The following KIT variants were observed in gnomAD, a reference collection of about 807,000 sequenced individuals.
The protein encoded by KIT is mast/stem cell growth factor receptor Kit.
Under a neutral mutation model 105.7 loss-of-function variants are expected in KIT, and 16 were observed. The ratio of observed to expected loss-of-function variants is 0.15; its 90% confidence interval spans 0.10 to 0.23. KIT has a LOEUF of 0.23. KIT is among the 10% of genes least tolerant of loss of function. The probability of loss-of-function intolerance (pLI) is 1.00; values close to 1 mark genes in which losing one functional copy is unlikely to be tolerated. For missense variants in KIT, 858 were observed against 1,213.8 expected (o/e 0.71, Z 4.36); for synonymous variants, 438 against 441.1 (o/e 0.99, Z 0.09).
intron 16 of KIT, among the ~76,000 whole-genome samples, 167 bp downstream of exon 16, chr4:54,732,165 C>T (rs1254573172): frequency 6.7e-6 from 1 of 148,990 alleles, no homozygotes; most frequent in African/African-American, 2.5e-5. Context: ...CTTCATGTTC[C>T]AACTGCTGTC....
intron 7 of KIT, among the ~76,000 whole-genome samples, chr4:54,718,264 C>T (rs1721627596): frequency 6.6e-6 from 1 of 152,102 alleles, no homozygotes; most frequent in Non-Finnish European, 1.5e-5. Context: ...CCATGCCTGG[C>T]TTATTTTTGT....
intron 1 of KIT, among the ~76,000 whole-genome samples, chr4:54,687,776 A>C (rs1365113398): frequency 2.0e-5 from 3 of 151,986 alleles, no homozygotes; most frequent in Non-Finnish European, 2.9e-5. Flanking sequence ...TACACGTGCA[A>C]ACACATATAC....
intron 7 of KIT, among the ~76,000 whole-genome samples, chr4:54,722,065 A>C (rs1721910252): frequency 6.6e-6 from 1 of 152,144 alleles, no homozygotes; most frequent in East Asian, 1.9e-4. Flanking sequence ...TGCTCACTGC[A>C]ACCTCTGCCT....
intron 13 of KIT, 51 bp downstream of exon 13, chr4:54,728,172 T>C (rs1330656857): frequency 1.5e-6 from 2 of 1,331,718 alleles, no homozygotes; most frequent in African/African-American, 1.4e-5. Context: ...TATCAAAACA[T>C]GACATTTTAA....
In KIT at chr4:54,695,580, T is replaced by G. The variant is rs1392637180; in HGVS notation, c.136T>G (p.Leu46Val). The stretch of plus-strand genomic sequence containing the variant: ...ATCCATCCATCCAGGAAAATCAGAC[T>G]TAATAGTCCGCGTGGGCGACGAGAT... ...PPSIHPGKSD[L>V]IVRVGDEIRL... Residue 46 changes from leucine (L) to valine (V), a missense_variant, in exon 2 of 21, where the codon TTA becomes GTA. Coordinates refer to ENST00000288135, the MANE Select transcript of KIT (RefSeq NM_000222.3). 1 of 1,614,206 alleles carries G rather than the reference T, an allele frequency of 6.2e-7. No homozygotes were observed.
intron 6 of KIT, 76 bp from the exon 7 acceptor site, chr4:54,709,348 A>G: frequency 1.1e-6 from 1 of 916,162 alleles, no homozygotes; most frequent in Non-Finnish European, 1.8e-6. Context: ...ATAGATTTCC[A>G]GGTAGAAACT....
At chr4:54,665,939 A>G (rs1322857680) in intron 1 of KIT, among the ~76,000 whole-genome samples, 1 of 152,178 alleles carries the variant, frequency 6.6e-6, no homozygotes, top group Non-Finnish European at 1.5e-5. Flanking sequence ...GGTGAAAAGT[A>G]AGTTTTCATG....
chr4:54,727,300 G>A lies in KIT; in HGVS notation c.1623G>A (p.Met541Ile), dbSNP rs2109774448. Residue 541 changes from methionine (M) to isoleucine (I), a missense_variant, in exon 10 of 21, where the codon ATG becomes ATA. Around this residue, in one of 7 missense-constraint regions of KIT, gnomAD observed 78 missense variants for 77.6 expected, o/e 1.01. Transcript: ENST00000288135. ...IVAGMMCIIV[M>I]ILTYKYLQKP... is the part of the protein sequence containing the mutation. Reference sequence around the variant, plus strand: ...CTGGCATGATGTGCATTATTGTGATGATTCTGACCTACAAATATTTACAGG... The same window carrying A: ...CTGGCATGATGTGCATTATTGTGATAATTCTGACCTACAAATATTTACAGG... 1.9e-6 allele frequency: 3 copies of A among 1,614,068 alleles called. No individual in the cohort carries two copies. The highest frequency in any genetic ancestry group is 2.5e-6 in the Non-Finnish European group (3 of 1,179,914).
intron 13 of KIT, 181 bp from the exon 14 acceptor site, chr4:54,729,154 C>T (rs1441061527): frequency 9.6e-6 from 6 of 621,960 alleles, no homozygotes; most frequent in East Asian, 2.8e-5. Flanking sequence ...TTTTATGTTA[C>T]TCCACATAAG....
In KIT at chr4:54,705,145, G is replaced by C. The variant is rs3796773; in HGVS notation, c.925+1253G>C. ...GATTAGGGAGCATGTTGATATATCA[G>C]CTTCAGCTCCAGAAAGCAATTAGTA... is the stretch of plus-strand genomic sequence containing the variant. On this transcript the variant is annotated intron_variant, in intron 5 of 20. Coordinates refer to ENST00000288135, the MANE Select transcript of KIT (RefSeq NM_000222.3). Among the ~76,000 whole-genome samples the C allele has an allele frequency of 4.6e-5, 7 of 152,334 alleles. No homozygotes were observed. The East Asian group carries it at 1.3e-3, about 29-fold the overall frequency.
intron 1 of KIT, among the ~76,000 whole-genome samples, chr4:54,689,484 C>T (rs574140265): frequency 2.0e-5 from 3 of 152,220 alleles, no homozygotes; most frequent in Admixed American, 6.5e-5. Flanking sequence ...AAGACCTTTT[C>T]CTGCCAATGC....
At chr4:54,724,488 A>AG (rs1192908930) in intron 8 of KIT, among the ~76,000 whole-genome samples, 1 of 152,146 alleles carries the variant, frequency 6.6e-6, no homozygotes, top group Non-Finnish European at 1.5e-5. Flanking sequence ...GGGAATACTA[A>AG]GTAGGGTTCA....
At chr4:54,724,257 A>G (rs923848987) in intron 8 of KIT, among the ~76,000 whole-genome samples, 2 of 152,206 alleles carry the variant, frequency 1.3e-5, no homozygotes, top group African/African-American at 2.4e-5. Flanking sequence ...GCCCTTTTGC[A>G]TTACCTGAAG....
intron 1 of KIT, among the ~76,000 whole-genome samples, chr4:54,661,470 C>A: frequency 6.6e-6 from 1 of 152,152 alleles, no homozygotes; most frequent in East Asian, 1.9e-4. Context: ...AGGAAATGAA[C>A]CTCGGTGTCT....
intron 1 of KIT, among the ~76,000 whole-genome samples, chr4:54,694,242 TCTCCTCCTC>T (rs1187368765): frequency 6.6e-6 from 1 of 151,822 alleles, no homozygotes; most frequent in African/African-American, 2.4e-5. Context: ...GCTGTCATCT[TCTCCTCCTC>T]CTCCTCCTTT....
At chr4:54,721,607 G>A (rs1481209825) in intron 7 of KIT, among the ~76,000 whole-genome samples, 1 of 151,136 alleles carries the variant, frequency 6.6e-6, no homozygotes, top group Non-Finnish European at 1.5e-5. Context: ...TGAGTGACAG[G>A]TGGGTGTGTC....
At chr4:54,667,648 G>A (rs1046290904) in intron 1 of KIT, among the ~76,000 whole-genome samples, 3 of 152,220 alleles carry the variant, frequency 2.0e-5, no homozygotes, top group African/African-American at 7.2e-5. Context: ...CGTCTGTAGA[G>A]AGTAGCGGAA....
chr4:54,704,383 C>T (rs1392896592), intron 5 of KIT, among the ~76,000 whole-genome samples: 2 of 151,998 alleles, frequency 1.3e-5, no homozygotes, highest in Non-Finnish European at 2.9e-5. Context: ...TATTCCCTAC[C>T]TCCTTATCTC....
chr4:54,726,767 A>C (rs1038929899), intron 9 of KIT, among the ~76,000 whole-genome samples: 1 of 151,372 alleles, frequency 6.6e-6, no homozygotes, highest in African/African-American at 2.4e-5. Flanking sequence ...CAACGAAAAG[A>C]ATACCTTAAA....
Sources: allele counts gnomAD v4.1 joint callset (sites outside exome capture counted in the v4.1 genomes callset), GRCh38; gene constraint gnomAD v4.1.1; regional missense constraint gnomAD v4.1.1; transcripts MANE v1.5; gene names NCBI Gene and HGNC (gene_info 2026-07-23, HGNC 2026-07-21).